EYS: variants seen among roughly 807,000 people sequenced by gnomAD.
EYS encodes the protein EGF-like photoreceptor maintenance factor, also known as protein eyes shut homolog.
EYS carries 250 observed loss-of-function variants against 282.1 expected under a neutral mutation model. That is an observed-to-expected ratio of 0.89 (90% CI 0.80 to 0.98). The LOEUF is 0.98. Ranked by LOEUF, EYS falls within the 50% of genes least tolerant of loss-of-function variation. EYS has a pLI of 0.00. For synonymous variants in EYS, 1,355 were observed against 1,282.9 expected, an observed-to-expected ratio of 1.06 and a Z score of -1.20; for missense variants, 4,016 against 3,709.0, an observed-to-expected ratio of 1.08 and a Z score of -2.15.
intron 7 of EYS, among the ~76,000 whole-genome samples, chr6:65,396,068 T>G (rs1582236734): frequency 6.6e-6 from 1 of 152,192 alleles, no homozygotes; most frequent in Admixed American, 6.6e-5. Flanking sequence ...TGCATACACA[T>G]GCAAACACAT....
intron 12 of EYS, among the ~76,000 whole-genome samples, chr6:65,098,462 T>C (rs887157212): frequency 4.0e-5 from 6 of 150,832 alleles, no homozygotes; most frequent in African/African-American, 1.2e-4. Context: ...AAGCTGAAAC[T>C]TAACTCCCAT....
intron 26 of EYS, among the ~76,000 whole-genome samples, chr6:64,443,621 T>C (rs1775024924): frequency 6.6e-6 from 1 of 152,180 alleles, no homozygotes; most frequent in Non-Finnish European, 1.5e-5. Flanking sequence ...GACAGGTCTT[T>C]CCTGTGCTGT....
intron 12 of EYS, among the ~76,000 whole-genome samples, chr6:65,219,483 T>C (rs1766405095): frequency 6.6e-6 from 1 of 152,114 alleles, no homozygotes; most frequent in African/African-American, 2.4e-5. Flanking sequence ...AACATTTTCT[T>C]CTACTGAGTT....
rs187562523 is a variant in EYS, at chr6:64,941,274, G to A, written c.2381+4519C>T. On this transcript the variant is annotated intron_variant, in intron 15 of 42. Coordinates refer to ENST00000503581, the MANE Select transcript of EYS (RefSeq NM_001142800.2). ...CAGGCACCTGTAATCCTAGCTACTC[G>A]GAGGCTGAGGCAGGAGAATTACTTG... is the stretch of plus-strand genomic sequence containing the variant. Among the ~76,000 whole-genome samples the A allele has an allele frequency of 3.9e-5, 6 of 151,974 alleles. No individual in the cohort carries two copies. In the East Asian group the frequency reaches 5.9e-4, roughly 15 times the overall value.
chr6:64,804,543 G>A (rs1176848754), intron 22 of EYS, among the ~76,000 whole-genome samples: 1 of 152,016 alleles, frequency 6.6e-6, no homozygotes, highest in Non-Finnish European at 1.5e-5. Flanking sequence ...TGGTTAAATT[G>A]TCTACTTTTT....
intron 35 of EYS, among the ~76,000 whole-genome samples, chr6:63,884,420 G>T (rs59095889): frequency 0.12 from 17,941 of 152,028 alleles, 1,294 homozygotes; most frequent in African/African-American, 0.19. Context: ...GTGAGAGAGG[G>T]TATGTACTAT....
intron 2 of EYS, among the ~76,000 whole-genome samples, chr6:65,545,969 C>T (rs548259547): frequency 1.1e-4 from 16 of 151,464 alleles, no homozygotes; most frequent in Non-Finnish European, 1.6e-4. Context: ...AGCATCTTGG[C>T]AAACCTTTTT....
At chr6:64,625,184 A>G (rs1249867414) in intron 23 of EYS, among the ~76,000 whole-genome samples, 1 of 152,198 alleles carries the variant, frequency 6.6e-6, no homozygotes, top group African/African-American at 2.4e-5. Context: ...GGAAAAGAGC[A>G]AAAATCTGAA....
intron 22 of EYS, among the ~76,000 whole-genome samples, chr6:64,703,471 C>CCAGG (rs1458259053): frequency 3.3e-4 from 41 of 124,278 alleles, no homozygotes; most frequent in Middle Eastern, 0.011. Context: ...GCTCTGTCAC[C>CCAGG]CAGGCTGGAG....
intron 32 of EYS, among the ~76,000 whole-genome samples, chr6:64,078,260 A>G (rs1274385559): frequency 6.6e-6 from 1 of 152,122 alleles, no homozygotes. Flanking sequence ...AATTAAAATC[A>G]AAGCAACTCA....
At chr6:63,982,969 C>T (rs757381625) in intron 35 of EYS, among the ~76,000 whole-genome samples, 3 of 151,688 alleles carry the variant, frequency 2.0e-5, no homozygotes, top group Non-Finnish European at 4.4e-5. Context: ...CAGAATTGCA[C>T]GTTCTTCTAT....
At chr6:64,101,714 G>A (rs1376161535) in intron 31 of EYS, among the ~76,000 whole-genome samples, 1 of 151,994 alleles carries the variant, frequency 6.6e-6, no homozygotes, top group Non-Finnish European at 1.5e-5. Context: ...TGGGATGGGG[G>A]AATGGTTTTG....
chr6:65,199,402 A>G (rs1198419973), intron 12 of EYS, among the ~76,000 whole-genome samples: 2 of 152,134 alleles, frequency 1.3e-5, no homozygotes, highest in Non-Finnish European at 2.9e-5. Context: ...TTTCCTACTC[A>G]ATTGTTATGA....
intron 22 of EYS, among the ~76,000 whole-genome samples, chr6:64,651,358 T>A (rs569811563): frequency 4.9e-4 from 75 of 152,348 alleles, no homozygotes; most frequent in Non-Finnish European, 9.4e-4. Context: ...AGTTCAAAAA[T>A]TATGTTTGTT....
At chr6:65,006,525 C>CAAAAA (rs113511145) in intron 13 of EYS, among the ~76,000 whole-genome samples, 4 of 96,292 alleles carry the variant, frequency 4.2e-5, no homozygotes, top group Admixed American at 1.1e-4. Context: ...AAAAAAAAAG[C>CAAAAA]AAAAAGGTAG....
At chr6:63,827,799 G>C (rs1423394859) in intron 36 of EYS, among the ~76,000 whole-genome samples, 1 of 144,112 alleles carries the variant, frequency 6.9e-6, no homozygotes, top group Non-Finnish European at 1.5e-5. Context: ...AGCTGAGATT[G>C]CGCCACTGCA....
chr6:64,970,951 T>C (rs1001727360), intron 14 of EYS, among the ~76,000 whole-genome samples: 1 of 152,152 alleles, frequency 6.6e-6, no homozygotes, highest in Non-Finnish European at 1.5e-5. Flanking sequence ...TTTTGTGAAA[T>C]ATATTTATTT....
chr6:65,287,371 G>T (rs1222970791), intron 12 of EYS, among the ~76,000 whole-genome samples: 2 of 151,272 alleles, frequency 1.3e-5, no homozygotes, highest in Non-Finnish European at 1.5e-5. Context: ...TTCCCAAGAT[G>T]GTTATTTTAT....
At chr6:65,677,476 A>G (rs1038710241) in intron 1 of EYS, among the ~76,000 whole-genome samples, 1 of 151,964 alleles carries the variant, frequency 6.6e-6, no homozygotes, top group Non-Finnish European at 1.5e-5. Flanking sequence ...AATGACATCA[A>G]AAAGAAGAAA....
Sources: allele counts gnomAD v4.1 joint callset (sites outside exome capture counted in the v4.1 genomes callset), GRCh38; gene constraint gnomAD v4.1.1; transcripts MANE v1.5; gene names NCBI Gene and HGNC (gene_info 2026-07-23, HGNC 2026-07-21).